The following DENND1B variants were observed in gnomAD, a reference collection of about 807,000 sequenced individuals.
DENND1B encodes the protein DENN domain-containing protein 1B.
DENND1B carries 59 observed loss-of-function variants against 90.1 expected under a neutral mutation model. That is an observed-to-expected ratio of 0.65 (90% CI 0.53 to 0.81). The LOEUF (loss-of-function observed/expected upper bound fraction) is 0.81. Among genes scored for constraint, DENND1B ranks in the 40% least tolerant of loss-of-function variants. DENND1B has a pLI of 0.00. For missense variants in DENND1B, 862 were observed against 912.6 expected, an observed-to-expected ratio of 0.94 and a Z score of 0.71; for synonymous variants, 337 against 324.6, an observed-to-expected ratio of 1.04 and a Z score of -0.41.
At chr1:197,740,807 C>G (rs1343073935) in intron 2 of DENND1B, among the ~76,000 whole-genome samples, 2 of 152,128 alleles carry the variant, frequency 1.3e-5, no homozygotes, top group Admixed American at 1.3e-4. Flanking sequence ...TCCAGTTTAT[C>G]AATGGTATGA....
intron 3 of DENND1B, among the ~76,000 whole-genome samples, chr1:197,680,657 GAAAAT>G (rs1474494847): frequency 4.6e-5 from 7 of 151,998 alleles, no homozygotes; most frequent in Admixed American, 6.6e-5. Context: ...GTGTTTTATT[GAAAAT>G]AAAATAAAAT....
chr1:197,544,920 A>AAAAG (rs1558222282), intron 18 of DENND1B, among the ~76,000 whole-genome samples: 28 of 100,510 alleles, frequency 2.8e-4, no homozygotes, highest in African/African-American at 1.0e-3. Context: ...AGAAAAGAAG[A>AAAAG]AGAAAAGAGA....
At chr1:197,709,898 T>C (rs1477909706) in intron 3 of DENND1B, among the ~76,000 whole-genome samples, 1 of 129,742 alleles carries the variant, frequency 7.7e-6, no homozygotes, top group Non-Finnish European at 1.6e-5. Flanking sequence ...ACCAAGCCAA[T>C]GGAAAACAAA....
chr1:197,763,282 ATATTT>A (rs1317579273), intron 2 of DENND1B, among the ~76,000 whole-genome samples: 3 of 152,152 alleles, frequency 2.0e-5, no homozygotes, highest in Non-Finnish European at 4.4e-5. Flanking sequence ...CTTTTTATAT[ATATTT>A]TTTTATTTCT....
chr1:197,572,378 T>C (rs1397814146), intron 15 of DENND1B, among the ~76,000 whole-genome samples: 2 of 152,118 alleles, frequency 1.3e-5, no homozygotes, highest in African/African-American at 4.8e-5. Context: ...GCGTCCGCCA[T>C]TGCTGAGGCT....
At chr1:197,680,169 A>G (rs1044565747) in intron 3 of DENND1B, among the ~76,000 whole-genome samples, 2 of 151,142 alleles carry the variant, frequency 1.3e-5, no homozygotes, top group Non-Finnish European at 3.0e-5. Context: ...CTAGCTTTTA[A>G]GCAGAGATTT....
At chr1:197,630,781 A>G (rs1679254927) in intron 10 of DENND1B, among the ~76,000 whole-genome samples, 1 of 152,134 alleles carries the variant, frequency 6.6e-6, no homozygotes, top group South Asian at 2.1e-4. Flanking sequence ...ATTGCCCAAG[A>G]TTACTAAGCC....
rs539282358 is a variant in DENND1B, at chr1:197,596,638, G to A, written c.922-1305C>T. On this transcript the variant is annotated intron_variant, in intron 13 of 22. Transcript: ENST00000620048. The stretch of plus-strand genomic sequence containing the variant: ...AACATATACACACATACATACACAT[G>A]CACACATATACACACACACAACACA... 1.2e-4 allele frequency among the ~76,000 whole-genome samples: 18 copies of A among 151,380 alleles called. 2 individuals are homozygous for A. The highest frequency in any genetic ancestry group is 4.1e-4 in the African/African-American group (17 of 41,346).
At chr1:197,746,737 C>G in intron 2 of DENND1B, 1 of 1,091,074 alleles carries the variant, frequency 9.2e-7, no homozygotes, top group Non-Finnish European at 1.4e-6. Flanking sequence ...TGTCTTGAAG[C>G]ACTCTGGCAA....
chr1:197,506,000 A>C lies in DENND1B; in HGVS notation c.*4460T>G, dbSNP rs1261526946. On this transcript the variant is annotated 3_prime_UTR_variant, in exon 23 of 23. Transcript: ENST00000620048. The stretch of plus-strand genomic sequence containing the variant: ...AGGCAGTTAGTTATGATACAACAAC[A>C]CAATATCCATAATAATTTTAAATAA... 1.3e-5 allele frequency: 2 copies of C among 151,638 alleles called. No homozygotes were observed. Among genetic ancestry groups the C allele is most frequent in the African/African-American group, 4.8e-5 (2 of 41,390 alleles). The allele number at this position is 151,638 out of a possible 1,614,324, so 9.4% of individuals were successfully genotyped here.
chr1:197,688,289 A>G (rs183759891), intron 3 of DENND1B, among the ~76,000 whole-genome samples: 4 of 152,244 alleles, frequency 2.6e-5, no homozygotes, highest in Non-Finnish European at 5.9e-5. Context: ...CAAAATCCCA[A>G]TGGCATTTTT....
intron 2 of DENND1B, chr1:197,734,309 A>G: frequency 1.1e-6 from 1 of 949,122 alleles, no homozygotes; most frequent in Non-Finnish European, 1.3e-6. Context: ...ATAAATTTAA[A>G]TTCAGTCATA....
intron 5 of DENND1B, among the ~76,000 whole-genome samples, chr1:197,668,357 T>C (rs1183830623): frequency 6.6e-6 from 1 of 151,506 alleles, no homozygotes; most frequent in Non-Finnish European, 1.5e-5. Flanking sequence ...ATCCCTGCCC[T>C]CATGAGGGTA....
In DENND1B at chr1:197,619,904, G is replaced by A. The variant is rs984176429; in HGVS notation, c.673-2145C>T. Among the ~76,000 whole-genome samples the A allele has an allele frequency of 2.6e-5, 4 of 151,244 alleles. No individual in the cohort carries two copies. In the East Asian group the frequency reaches 7.8e-4, roughly 30 times the overall value. The stretch of plus-strand genomic sequence containing the variant: ...AATCAAGATCTACCAGAAGAGAACC[G>A]AGTCTACAGGACTTGGCAACTTTCT... On this transcript the variant is annotated intron_variant, in intron 10 of 22. Coordinates refer to ENST00000620048, the MANE Select transcript of DENND1B (RefSeq NM_001195215.2).
intron 3 of DENND1B, among the ~76,000 whole-genome samples, chr1:197,704,064 T>G (rs1256635245): frequency 6.6e-6 from 1 of 151,980 alleles, no homozygotes; most frequent in Non-Finnish European, 1.5e-5. Context: ...GGCAATAGGG[T>G]GAGACCCCAT....
intron 16 of DENND1B, among the ~76,000 whole-genome samples, chr1:197,549,008 C>T (rs1028355248): frequency 1.3e-5 from 2 of 151,992 alleles, no homozygotes; most frequent in African/African-American, 4.8e-5. Context: ...GAGAAAAGTA[C>T]ATTATTCTTT....
chr1:197,734,946 C>A (rs1233205654), intron 2 of DENND1B: 2 of 984,726 alleles, frequency 2.0e-6, no homozygotes, highest in African/African-American at 1.8e-5. Context: ...CTAAGCCTGG[C>A]AAACAAAAAT....
chr1:197,544,638 C>T (rs1670579495), intron 18 of DENND1B, among the ~76,000 whole-genome samples: 1 of 150,188 alleles, frequency 6.7e-6, no homozygotes, highest in Non-Finnish European at 1.5e-5. Flanking sequence ...TTGGGCCACA[C>T]ATAAAATACA....
chr1:197,754,659 C>CAAAAAAAA lies in DENND1B; in HGVS notation c.82+18201_82+18208dup, dbSNP rs57926782. On this transcript the variant is annotated intron_variant, in intron 2 of 22. Coordinates refer to ENST00000620048, the MANE Select transcript of DENND1B (RefSeq NM_001195215.2). ...TGGGCAACAATGCGAGACTCTGTCT[C>CAAAAAAAA]AAAAAAAAAAAAAAAAAAAAAAAAA... Among the ~76,000 whole-genome samples the CAAAAAAAA allele has an allele frequency of 7.7e-3, 560 of 72,860 alleles. 57 individuals carry two copies. Among genetic ancestry groups the CAAAAAAAA allele is most frequent in the African/African-American group, 0.024 (441 of 18,070 alleles). 47.8% of individuals were successfully genotyped at this position (72,860 alleles called of 152,430 possible).
Sources: allele counts gnomAD v4.1 joint callset (sites outside exome capture counted in the v4.1 genomes callset), GRCh38; gene constraint gnomAD v4.1.1; transcripts MANE v1.5; gene names NCBI Gene and HGNC (gene_info 2026-07-23, HGNC 2026-07-21).